The following MAST2 variants were observed in gnomAD, a reference collection of about 807,000 sequenced individuals.
The protein encoded by MAST2 is microtubule associated serine/threonine kinase 2.
Under a neutral mutation model 147.4 loss-of-function variants are expected in MAST2, and 70 were observed. The ratio of observed to expected loss-of-function variants is 0.47; its 90% CI spans 0.39 to 0.58. The LOEUF (loss-of-function observed/expected upper bound fraction) is 0.58. Ranked by LOEUF, MAST2 falls within the 20% of genes least tolerant of loss-of-function variation. The pLI, the probability that MAST2 is intolerant of heterozygous loss-of-function variation, is 0.00. For missense variants in MAST2, 2,080 were observed against 2,302.3 expected (o/e 0.90, Z 1.98); for synonymous variants, 869 against 896.8 (o/e 0.97, Z 0.55).
intron 1 of MAST2, among the ~76,000 whole-genome samples, chr1:45,810,206 T>C (rs1332126514): frequency 2.0e-5 from 3 of 152,060 alleles, no homozygotes; most frequent in African/African-American, 7.3e-5. Flanking sequence ...ATGATAGGAG[T>C]AGACAAAGGA....
intron 4 of MAST2, among the ~76,000 whole-genome samples, chr1:45,937,235 T>G (rs199791540): frequency 8.6e-4 from 6 of 6,976 alleles, no homozygotes; most frequent in African/African-American, 6.7e-3. Flanking sequence ...CATGGGCAGC[T>G]TTTTTTTTTA....
intron 5 of MAST2, among the ~76,000 whole-genome samples, chr1:45,966,157 C>T (rs564588851): frequency 1.3e-5 from 2 of 152,272 alleles, no homozygotes; most frequent in African/African-American, 2.4e-5. Flanking sequence ...CTTAGTAATA[C>T]GTACTGAAGT....
At chr1:46,026,059 G>C (rs775998548) in intron 16 of MAST2, among the ~76,000 whole-genome samples, 9 of 152,158 alleles carry the variant, frequency 5.9e-5, no homozygotes, top group Non-Finnish European at 1.0e-4. Context: ...GAGCCCCACT[G>C]AAGAAACCAA....
intron 4 of MAST2, among the ~76,000 whole-genome samples, chr1:45,885,621 C>T (rs1031311383): frequency 5.9e-5 from 9 of 152,140 alleles, no homozygotes; most frequent in African/African-American, 9.7e-5. Context: ...GTTTCAGTCA[C>T]GGCACTATTA....
rs555452306 is a variant in MAST2 at position 45,916,876 on chromosome 1, C to T, written c.500+34481C>T. Among the ~76,000 whole-genome samples the T allele has an allele frequency of 7.1e-4, 108 of 152,196 alleles. No individual in the cohort carries two copies. In the South Asian group the frequency reaches 0.022, roughly 31 times the overall value. On this transcript the variant is annotated intron_variant, in intron 4 of 28. Transcript: ENST00000361297. ...GGTGGATCACTCGAGGTCAGGAGTT[C>T]GAGACCAGACTGACCAACATGATGA...
intron 4 of MAST2, among the ~76,000 whole-genome samples, chr1:45,938,550 C>T (rs1002877050): frequency 2.6e-5 from 4 of 152,174 alleles, no homozygotes; most frequent in African/African-American, 9.7e-5. Flanking sequence ...TGGTCTTGAA[C>T]TCCTGGGCTC....
intron 4 of MAST2, among the ~76,000 whole-genome samples, chr1:45,900,281 A>G (rs756252970): frequency 6.6e-6 from 1 of 151,662 alleles, no homozygotes; most frequent in African/African-American, 2.4e-5. Context: ...TCACTATACT[A>G]TTTTCTGTAG....
In MAST2 at chr1:45,832,013, C is replaced by T. The variant is rs527349668; in HGVS notation, c.468+2432C>T. 3.3e-5 allele frequency among the ~76,000 whole-genome samples: 5 copies of T among 152,176 alleles called. No homozygotes were observed. In the South Asian group the frequency reaches 1.0e-3, roughly 32 times the overall value. ...CAGGCTGATCTCGAACTCCTGACCT[C>T]AAGTGATCCACCTGCCTCGGCCTCT... On this transcript the variant is annotated intron_variant, in intron 3 of 28. Coordinates refer to ENST00000361297, the MANE Select transcript of MAST2 (RefSeq NM_015112.3).
intron 3 of MAST2, among the ~76,000 whole-genome samples, chr1:45,853,726 T>C (rs1488717440): frequency 1.3e-5 from 2 of 152,174 alleles, no homozygotes; most frequent in African/African-American, 2.4e-5. Context: ...CTTTTTTTTT[T>C]CAATCAGCTT....
chr1:45,893,319 G>C (rs1489955280), intron 4 of MAST2, among the ~76,000 whole-genome samples: 2 of 152,138 alleles, frequency 1.3e-5, no homozygotes, highest in South Asian at 2.1e-4. Flanking sequence ...TCCTGTTTCA[G>C]CTTCTCAGGT....
intron 4 of MAST2, among the ~76,000 whole-genome samples, chr1:45,925,395 C>G (rs1194985676): frequency 7.9e-5 from 12 of 152,176 alleles, no homozygotes; most frequent in Admixed American, 2.0e-4. Context: ...AATTAAATAA[C>G]CACTAACCTT....
chr1:45,832,040 A>T (rs1644973935), intron 3 of MAST2, among the ~76,000 whole-genome samples: 1 of 152,040 alleles, frequency 6.6e-6, no homozygotes, highest in South Asian at 2.1e-4. Flanking sequence ...TCGGCCTCTC[A>T]AAGTGCTGGG....
intron 4 of MAST2, among the ~76,000 whole-genome samples, chr1:45,918,794 A>C (rs1652979835): frequency 6.6e-6 from 1 of 152,116 alleles, no homozygotes; most frequent in East Asian, 1.9e-4. Context: ...TTTAAATAAG[A>C]ATGACATGAT....
chr1:45,986,140 A>C (rs373238670), intron 5 of MAST2, among the ~76,000 whole-genome samples: 1 of 152,362 alleles, frequency 6.6e-6, no homozygotes. Flanking sequence ...TGTCTTTACT[A>C]TTAACTGTGG....
intron 4 of MAST2, among the ~76,000 whole-genome samples, chr1:45,896,183 C>A (rs1027828341): frequency 6.6e-6 from 1 of 151,948 alleles, no homozygotes; most frequent in African/African-American, 2.4e-5. Context: ...ATGGGTGCCA[C>A]CACACCTGGC....
chr1:46,022,776 G>A (rs1212218481), intron 12 of MAST2, 134 bp from the exon 13 acceptor site: 1 of 709,202 alleles, frequency 1.4e-6, no homozygotes, highest in Non-Finnish European at 2.5e-6. Context: ...AGTGCCATGG[G>A]ACTGAATTCA....
intron 3 of MAST2, among the ~76,000 whole-genome samples, chr1:45,837,872 G>A (rs1281237483): frequency 6.6e-6 from 1 of 151,966 alleles, no homozygotes; most frequent in Admixed American, 6.6e-5. Flanking sequence ...TCCACCTCCC[G>A]GGTTCAAGCC....
In MAST2 at chr1:45,945,563, T is replaced by C. The variant is rs149755485; in HGVS notation, c.501-13823T>C. Among the ~76,000 whole-genome samples the C allele has an allele frequency of 7.9e-5, 12 of 152,196 alleles. No homozygotes were observed. The East Asian group carries it at 1.5e-3, about 20-fold the overall frequency. ...GGGCACAGGCCAGACAGCTGGGCAA[T>C]TTATTGAGGAAGGAGGTAGAAAAGA... On this transcript the variant is annotated intron_variant, in intron 4 of 28. Transcript: ENST00000361297.
At chr1:45,942,480 A>C (rs1267314597) in intron 4 of MAST2, among the ~76,000 whole-genome samples, 3 of 152,234 alleles carry the variant, frequency 2.0e-5, no homozygotes, top group Non-Finnish European at 4.4e-5. Context: ...AGAGGTGCTG[A>C]GAATTCGGTG....
Sources: allele counts gnomAD v4.1 joint callset (sites outside exome capture counted in the v4.1 genomes callset), GRCh38; gene constraint gnomAD v4.1.1; transcripts MANE v1.5; gene names NCBI Gene and HGNC (gene_info 2026-07-23, HGNC 2026-07-21).